ZC3H15: variants seen among roughly 807,000 people sequenced by gnomAD.
ZC3H15 encodes the protein zinc finger CCCH domain-containing protein 15.
ZC3H15 carries 15 observed loss-of-function variants against 51.2 expected under a neutral mutation model. The observed-to-expected ratio is 0.29, with a 90% confidence interval of 0.20 to 0.45. The LOEUF is 0.45. Ranked by LOEUF, ZC3H15 falls within the 20% of genes least tolerant of loss-of-function variation. ZC3H15 has a pLI of 1.00. For missense variants in ZC3H15, 381 were observed against 494.7 expected (o/e 0.77, Z 2.18); for synonymous variants, 144 against 162.8 (o/e 0.88, Z 0.88).
Position 186,486,344 on chromosome 2 carries a change from A to G in ZC3H15, c.-39A>G. 2 of 1,516,332 alleles carry G rather than the reference A, an allele frequency of 1.3e-6. No homozygotes were observed. The highest frequency in any genetic ancestry group is 1.8e-6 in the Non-Finnish European group (2 of 1,126,786). 93.9% of individuals were successfully genotyped at this position (1,516,332 alleles called of 1,614,324 possible). On this transcript the variant is annotated 5_prime_UTR_variant, in exon 1 of 10. Coordinates refer to ENST00000337859, the MANE Select transcript of ZC3H15 (RefSeq NM_018471.3). ...AGGGCCAGAACCCCTGACGGTATTC[A>G]GCTGCGCGTAAGTCTGGCCGGTGCC...
intron 1 of ZC3H15, chr2:186,487,078 G>C (rs971698758): frequency 6.6e-6 from 1 of 152,196 alleles, no homozygotes; most frequent in Non-Finnish European, 1.5e-5. Flanking sequence ...AAAGAGATTA[G>C]GTTTCAGTGT....
chr2:186,506,319 C>A (rs865933789), intron 8 of ZC3H15, among the ~76,000 whole-genome samples: 1 of 151,992 alleles, frequency 6.6e-6, no homozygotes, highest in Non-Finnish European at 1.5e-5. Flanking sequence ...TGTGTACTTA[C>A]AAAATTCTGG....
At position 186,506,697 on chromosome 2, in the gene ZC3H15, C is replaced by T. The variant is rs763819310; in HGVS notation, c.967-16C>T. Reference sequence around the variant, plus strand: ...TTCTTATTTGTAACAACTTTCTTTTCTATATGTTGTTAAAGGTTGATGATT... The same window carrying T: ...TTCTTATTTGTAACAACTTTCTTTTTTATATGTTGTTAAAGGTTGATGATT... On this transcript the variant is annotated splice_polypyrimidine_tract_variant and intron_variant, in intron 8 of 9. Coordinates refer to ENST00000337859, the MANE Select transcript of ZC3H15 (RefSeq NM_018471.3). The T allele has an allele frequency of 9.4e-6, 15 of 1,592,690 alleles. No homozygotes were observed. Among genetic ancestry groups the T allele is most frequent in the African/African-American group, 1.4e-5 (1 of 73,698 alleles).
chr2:186,503,766 G>A (rs907529414), intron 5 of ZC3H15, among the ~76,000 whole-genome samples: 2 of 152,118 alleles, frequency 1.3e-5, no homozygotes, highest in African/African-American at 2.4e-5. Flanking sequence ...AGTCATTTTC[G>A]TATGATTTAG....
chr2:186,500,554 T>G, intron 3 of ZC3H15: 3 of 590,860 alleles, frequency 5.1e-6, no homozygotes, highest in Non-Finnish European at 9.5e-6. Flanking sequence ...CTAATTGATT[T>G]ATAACATTCA....
In ZC3H15 at chr2:186,498,291, G is replaced by A. The variant is rs533817811; in HGVS notation, c.178-1891G>A. 1.1e-4 allele frequency among the ~76,000 whole-genome samples: 16 copies of A among 152,310 alleles called. No individual in the cohort carries two copies. In the South Asian group the frequency reaches 3.3e-3, roughly 32 times the overall value. On this transcript the variant is annotated intron_variant, in intron 2 of 9. Coordinates refer to ENST00000337859, the MANE Select transcript of ZC3H15 (RefSeq NM_018471.3). ...GCCCAGGGCTAACTCTTGTGTTGCT[G>A]CCATGCTTCAGTGTGGAACTCCATG...
At chr2:186,507,002 G>A (rs1387990835) in intron 9 of ZC3H15, among the ~76,000 whole-genome samples, 166 bp downstream of exon 9, 2 of 152,174 alleles carry the variant, frequency 1.3e-5, no homozygotes, top group Non-Finnish European at 2.9e-5. Context: ...CTGTAGACAT[G>A]AGCAGCTGGG....
intron 4 of ZC3H15, among the ~76,000 whole-genome samples, chr2:186,501,899 A>T (rs897825713): frequency 6.6e-6 from 1 of 151,984 alleles, no homozygotes; most frequent in African/African-American, 2.4e-5. Context: ...TTTAGTAGAG[A>T]TGGGGTTTCA....
At chr2:186,500,045 G>A (rs1685352373) in intron 2 of ZC3H15, 137 bp from the exon 3 acceptor site, 2 of 692,630 alleles carry the variant, frequency 2.9e-6, no homozygotes, top group African/African-American at 1.8e-5. Context: ...AATAGACTCT[G>A]TAAGGCCATT....
intron 1 of ZC3H15, among the ~76,000 whole-genome samples, chr2:186,490,234 A>G (rs530906436): frequency 2.0e-5 from 3 of 152,366 alleles, no homozygotes; most frequent in African/African-American, 7.2e-5. Context: ...CTGAAATGGC[A>G]TATACCATTT....
At chr2:186,495,979 G>A (rs769488436) in intron 2 of ZC3H15, among the ~76,000 whole-genome samples, 3 of 152,000 alleles carry the variant, frequency 2.0e-5, no homozygotes, top group Non-Finnish European at 2.9e-5. Flanking sequence ...TGCTTTATTG[G>A]TTGTCTTTTT....
intron 1 of ZC3H15, among the ~76,000 whole-genome samples, chr2:186,494,631 C>G (rs1364086818): frequency 6.6e-6 from 1 of 152,166 alleles, no homozygotes; most frequent in Admixed American, 6.5e-5. Flanking sequence ...AAGAACTTTG[C>G]ACATCCCATA....
At position 186,504,565 on chromosome 2, in the gene ZC3H15, A is replaced by G. The variant is rs528684465; in HGVS notation, c.717+351A>G. ...CGCCCTGATATCTTTTTTCACTAGT[A>G]TATTAGTTATTAGCATATGTACGGA... On this transcript the variant is annotated intron_variant, in intron 6 of 9. Coordinates refer to ENST00000337859, the MANE Select transcript of ZC3H15 (RefSeq NM_018471.3). Among the ~76,000 whole-genome samples, 16 of 152,292 alleles carry G rather than the reference A, an allele frequency of 1.1e-4. No individual in the cohort carries two copies. In the South Asian group the frequency reaches 2.9e-3, roughly 28 times the overall value.
chr2:186,494,497 T>A (rs1685251178), intron 1 of ZC3H15, among the ~76,000 whole-genome samples: 1 of 152,142 alleles, frequency 6.6e-6, no homozygotes, highest in Non-Finnish European at 1.5e-5. Context: ...GATTTGGAGG[T>A]GCTGCATATT....
At chr2:186,500,358 T>A (rs1434779863) in intron 3 of ZC3H15, 65 bp downstream of exon 3, 9 of 1,294,484 alleles carry the variant, frequency 7.0e-6, no homozygotes, top group South Asian at 1.4e-5. Flanking sequence ...AACTATTTAT[T>A]TTGATGTTTA....
rs757282026 is a variant in ZC3H15 at position 186,508,628 on chromosome 2, G to A, written c.1176G>A (p.Thr392=). The change falls in exon 10 of 10, where the codon ACG becomes ACA. Residue 392 remains threonine (T), a synonymous_variant. Coordinates refer to ENST00000337859, the MANE Select transcript of ZC3H15 (RefSeq NM_018471.3). Reference sequence around the variant, plus strand: ...AAGAGGACAACGAGAGGGAGGGAACGGAAAATGGAGCCATTGATGCTGTTC... The same window carrying A: ...AAGAGGACAACGAGAGGGAGGGAACAGAAAATGGAGCCATTGATGCTGTTC... ...DLEEDNEREG[T]ENGAIDAVPV... The A allele has an allele frequency of 1.8e-5, 29 of 1,614,044 alleles. No individual in the cohort carries two copies. Among genetic ancestry groups the A allele is most frequent in the East Asian group, 1.6e-4 (7 of 44,856 alleles).
intron 2 of ZC3H15, among the ~76,000 whole-genome samples, chr2:186,495,806 A>G (rs1278299245): frequency 6.6e-6 from 1 of 152,248 alleles, no homozygotes; most frequent in African/African-American, 2.4e-5. Context: ...CATTTGTAGT[A>G]CATGAGCAAT....
intron 2 of ZC3H15, among the ~76,000 whole-genome samples, chr2:186,498,404 A>T (rs1327584880): frequency 6.6e-6 from 1 of 152,216 alleles, no homozygotes; most frequent in Non-Finnish European, 1.5e-5. Flanking sequence ...TTTATTCATC[A>T]TGAACTTGAT....
At position 186,504,115 on chromosome 2, in the gene ZC3H15, G is replaced by T. The variant is rs199772043; in HGVS notation, c.618G>T (p.Met206Ile). The change falls in exon 6 of 10, where the codon ATG becomes ATT. Residue 206 changes from methionine (M) to isoleucine (I), a missense_variant. Physicochemically the swap from Met to Ile is conservative, Grantham distance 10. Transcript: ENST00000337859. ...WVCPGGGDICMYRHALPPGFV... is the reference protein window; with the variant it reads ...WVCPGGGDICIYRHALPPGFV... Reference sequence around the variant, plus strand: ...GCCCTGGAGGGGGTGATATTTGCATGTATCGTCATGCACTTCCTCCTGGAT... The same window carrying T: ...GCCCTGGAGGGGGTGATATTTGCATTTATCGTCATGCACTTCCTCCTGGAT... 6.2e-7 allele frequency: 1 copy of T among 1,609,966 alleles called. No homozygotes were observed. Among genetic ancestry groups the T allele is most frequent in the African/African-American group, 1.3e-5 (1 of 74,768 alleles).
Sources: gnomAD v4.1 joint callset for allele counts (sites outside exome capture counted in the v4.1 genomes callset) on GRCh38, gnomAD v4.1.1 for gene constraint, MANE v1.5 for transcripts, NCBI Gene and HGNC (gene_info 2026-07-23, HGNC 2026-07-21) for gene names.